Variants in ANO2 observed in about 807,000 individuals in gnomAD.
The protein encoded by ANO2 is anoctamin-2.
ANO2 carries 101 observed loss-of-function variants against 124.2 expected under a neutral mutation model. The ratio of observed to expected loss-of-function variants is 0.81; its 90% CI spans 0.69 to 0.96. The LOEUF (loss-of-function observed/expected upper bound fraction) is 0.96, where lower values mean the gene tolerates loss of function less well. Among genes scored for constraint, ANO2 ranks in the 40% least tolerant of loss-of-function variants. The probability of loss-of-function intolerance (pLI) is 0.00; values close to 1 mark genes in which losing one functional copy is unlikely to be tolerated. For synonymous variants in ANO2, 486 were observed against 482.5 expected (o/e 1.01, Z -0.09); for missense variants, 1,293 against 1,274.5 (o/e 1.01, Z -0.22).
Position 5,854,095 on chromosome 12 carries a change from T to A in ANO2, c.581A>T (p.Gln194Leu). 6.2e-7 allele frequency: 1 copy of A among 1,613,098 alleles called. No homozygotes were observed. The highest frequency in any genetic ancestry group is 1.1e-5 in the South Asian group (1 of 91,082). The change falls in exon 4 of 25, where the codon CAG (glutamine) becomes CTG (leucine). Residue 194 changes from glutamine (Q) to leucine (L), a missense_variant. Transcript: ENST00000682330. ...SIFVRIHAPW[Q>L]VLAREAEFLK... ...GAATTCTGCCTCTCTGGCCAGCACCTGCCACGGGGCGTGTATCCGGACAAA... is the reference window on the plus strand; with the variant it reads ...GAATTCTGCCTCTCTGGCCAGCACCAGCCACGGGGCGTGTATCCGGACAAA...
intron 14 of ANO2, among the ~76,000 whole-genome samples, chr12:5,729,276 T>C (rs1369126975): frequency 6.6e-6 from 1 of 152,170 alleles, no homozygotes; most frequent in Non-Finnish European, 1.5e-5. Flanking sequence ...GAACTTCATA[T>C]ATTCCAAATA....
intron 20 of ANO2, among the ~76,000 whole-genome samples, chr12:5,592,582 C>T (rs1943452411): frequency 6.6e-6 from 1 of 152,084 alleles, no homozygotes; most frequent in African/African-American, 2.4e-5. Flanking sequence ...AAGTCTGTAG[C>T]GTTGAAGGAT....
chr12:5,852,123 G>C (rs532540998), intron 4 of ANO2, among the ~76,000 whole-genome samples: 2 of 152,256 alleles, frequency 1.3e-5, no homozygotes, highest in South Asian at 4.1e-4. Flanking sequence ...GGCCAAAACA[G>C]GACCCCACCA....
At chr12:5,656,617 C>A (rs955703054) in intron 14 of ANO2, among the ~76,000 whole-genome samples, 29 of 152,184 alleles carry the variant, frequency 1.9e-4, no homozygotes, top group Admixed American at 1.8e-3. Flanking sequence ...TGTCTTTCCT[C>A]TTCATGAACT....
intron 4 of ANO2, among the ~76,000 whole-genome samples, chr12:5,841,382 C>G (rs1325441337): frequency 6.6e-6 from 1 of 152,214 alleles, no homozygotes; most frequent in African/African-American, 2.4e-5. Context: ...TGTAGACAGA[C>G]AGTGATACAC....
intron 14 of ANO2, among the ~76,000 whole-genome samples, chr12:5,699,948 T>TA (rs1201800940): frequency 6.6e-6 from 1 of 152,138 alleles, no homozygotes; most frequent in Non-Finnish European, 1.5e-5. Flanking sequence ...AGCAAGTCCT[T>TA]AAAGACCTAC....
At chr12:5,920,917 C>T in intron 3 of ANO2, 123 bp downstream of exon 3, 1 of 1,172,856 alleles carries the variant, frequency 8.5e-7, no homozygotes, top group South Asian at 1.7e-5. Context: ...GTTTCTCCAG[C>T]AGAAAAAAAA....
intron 23 of ANO2, among the ~76,000 whole-genome samples, chr12:5,571,798 T>C (rs890087943): frequency 6.6e-6 from 1 of 152,182 alleles, no homozygotes; most frequent in African/African-American, 2.4e-5. Context: ...ATAGAGGTTA[T>C]GCCTCTGCTT....
At chr12:5,906,794 A>AAAAT (rs551277367) in intron 3 of ANO2, among the ~76,000 whole-genome samples, 4,156 of 151,310 alleles carry the variant, frequency 0.027, 64 homozygotes, top group African/African-American at 0.031. Context: ...ACTCTGTCTC[A>AAAAT]AAATAAATAA....
At chr12:5,894,208 G>A (rs1939612183) in intron 3 of ANO2, among the ~76,000 whole-genome samples, 1 of 152,156 alleles carries the variant, frequency 6.6e-6, no homozygotes, top group Non-Finnish European at 1.5e-5. Context: ...GTATCTCATT[G>A]TGGTTTTCAT....
chr12:5,823,915 C>T lies in ANO2; in HGVS notation c.892+3854G>A, dbSNP rs1953880924. On this transcript the variant is annotated intron_variant, in intron 7 of 24. Coordinates refer to ENST00000682330, the MANE Select transcript of ANO2 (RefSeq NM_001364791.2). ...GACTTCTGTGCACCTGCAGGCTCAA[C>T]ACTACATGGAAGCTGCCAAGGCTTG... Among the ~76,000 whole-genome samples the T allele has an allele frequency of 3.9e-5, 6 of 152,344 alleles. No homozygotes were observed. In the South Asian group the frequency reaches 1.2e-3, roughly 32 times the overall value.
In ANO2 at chr12:5,806,084, C is replaced by T. The variant is rs762738983; in HGVS notation, c.958G>A (p.Asp320Asn). Reference protein sequence around the residue: ...AAYPLHDGEYDSPEDDMNDRK... With the variant: ...AAYPLHDGEYNSPEDDMNDRK... ...TCATTCATATCGTCCTCTGGACTAT[C>T]GTATTCACCCTGTGGAGAAAAAGTG... is the stretch of plus-strand genomic sequence containing the variant. Residue 320 changes from aspartate (D) to asparagine (N), a missense_variant, in exon 9 of 25, where the codon GAT (aspartate) becomes AAT (asparagine). By Grantham distance (23) the Asp-to-Asn change is conservative. Coordinates refer to ENST00000682330, the MANE Select transcript of ANO2 (RefSeq NM_001364791.2). The T allele has an allele frequency of 3.1e-6, 5 of 1,613,562 alleles. No individual in the cohort carries two copies. Among genetic ancestry groups the T allele is most frequent in the Non-Finnish European group, 3.4e-6 (4 of 1,179,766 alleles).
chr12:5,872,336 C>G (rs1390744636), intron 3 of ANO2, among the ~76,000 whole-genome samples: 4 of 152,232 alleles, frequency 2.6e-5, no homozygotes, highest in South Asian at 2.1e-4. Flanking sequence ...CCAAGGAGCT[C>G]ATAGTCTAAC....
Position 5,732,958 on chromosome 12 carries a change from A to G in ANO2, c.1435-328T>C. On this transcript the variant is annotated intron_variant, in intron 13 of 24. Coordinates refer to ENST00000682330, the MANE Select transcript of ANO2 (RefSeq NM_001364791.2). ...TACGAAGAGGGGCCCAGTGCTTTGC[A>G]GAGCAGTTTCACCAGAGGCAGAGGG... is the stretch of plus-strand genomic sequence containing the variant. 2.6e-6 allele frequency: 4 copies of G among 1,539,226 alleles called. No homozygotes were observed. In the South Asian group the frequency reaches 4.5e-5, roughly 17 times the overall value.
chr12:5,718,018 TGGAAGTCCG>T (rs908062340), intron 14 of ANO2, among the ~76,000 whole-genome samples: 10 of 152,190 alleles, frequency 6.6e-5, no homozygotes, highest in Non-Finnish European at 1.5e-4. Flanking sequence ...ACTAAACACA[TGGAAGTCCG>T]GGATGGGGGA....
chr12:5,582,693 G>A (rs1440696323), intron 20 of ANO2, among the ~76,000 whole-genome samples: 1 of 152,170 alleles, frequency 6.6e-6, no homozygotes, highest in Non-Finnish European at 1.5e-5. Context: ...TAGCAAGTAT[G>A]TTGGAGATCA....
At chr12:5,733,005 A>C in intron 13 of ANO2, 2 of 1,076,618 alleles carry the variant, frequency 1.9e-6, no homozygotes, top group Non-Finnish European at 2.8e-6. Flanking sequence ...CATCCCACCA[A>C]CTATCGTCAG....
Position 5,636,419 on chromosome 12 carries a change from G to A in ANO2, c.1621-1072C>T, listed in dbSNP as rs1238363006. ...TCAGAGCAAATTCTAATTTGCTTCA[G>A]TCAAGTCAAGACTTCTTCAAGAAAG... is the stretch of plus-strand genomic sequence containing the variant. On this transcript the variant is annotated intron_variant, in intron 15 of 24. Transcript: ENST00000682330. This position sits in a 1 kb window ranked among gnomAD's most constrained non-coding sequence, Gnocchi z 4.6. Among the ~76,000 whole-genome samples, 1 of 152,092 alleles carries A rather than the reference G, an allele frequency of 6.6e-6. No homozygotes were observed. Among genetic ancestry groups the A allele is most frequent in the Admixed American group, 6.6e-5 (1 of 15,266 alleles).
intron 3 of ANO2, among the ~76,000 whole-genome samples, chr12:5,873,228 TC>T (rs1937842335): frequency 4.0e-5 from 6 of 150,522 alleles, no homozygotes; most frequent in African/African-American, 1.2e-4. Flanking sequence ...TCTCTCTCTC[TC>T]TCTCTCTCTC....
Sources: gnomAD v4.1 joint callset for allele counts (sites outside exome capture counted in the v4.1 genomes callset) on GRCh38, gnomAD v4.1.1 for gene constraint, Gnocchi (gnomAD v3.1) non-coding constraint, MANE v1.5 for transcripts, NCBI Gene and HGNC (gene_info 2026-07-23, HGNC 2026-07-21) for gene names.